SPATS2: variants seen among roughly 807,000 people sequenced by gnomAD.
SPATS2 encodes spermatogenesis-associated serine-rich protein 2.
In SPATS2, 38 loss-of-function variants were observed where a neutral mutation model predicts 63.7. The ratio of observed to expected loss-of-function variants is 0.60; its 90% CI spans 0.46 to 0.78. The LOEUF is 0.78. Ranked by LOEUF, SPATS2 falls within the 30% of genes least tolerant of loss-of-function variation. The pLI is 0.00. For missense variants in SPATS2, 588 were observed against 666.2 expected, an observed-to-expected ratio of 0.88 and a Z score of 1.29; for synonymous variants, 207 against 232.9, an observed-to-expected ratio of 0.89 and a Z score of 1.01.
chr12:49,374,384 C>T (rs1290740819), intron 2 of SPATS2, among the ~76,000 whole-genome samples: 1 of 152,150 alleles, frequency 6.6e-6, no homozygotes, highest in East Asian at 1.9e-4. Context: ...CTGCCCTTGG[C>T]CTTCCGAAGT....
intron 9 of SPATS2, among the ~76,000 whole-genome samples, chr12:49,505,855 T>C (rs1488734143): frequency 6.6e-6 from 1 of 152,232 alleles, no homozygotes; most frequent in African/African-American, 2.4e-5. Context: ...GATGGCTCAC[T>C]TCCCCACTAA....
At position 49,448,426 on chromosome 12, in the gene SPATS2, A is replaced by G. The variant is rs202008019; in HGVS notation, c.-243-12344A>G. Among the ~76,000 whole-genome samples the G allele has an allele frequency of 9.9e-5, 15 of 151,998 alleles. No individual in the cohort carries two copies. The East Asian group carries it at 2.5e-3, about 25-fold the overall frequency. On this transcript the variant is annotated intron_variant, in intron 2 of 13. Transcript: ENST00000552918. The stretch of plus-strand genomic sequence containing the variant: ...AGTGCTGGGATTACAGGCGTGAGCC[A>G]CCACGCCTGGCTATTATGTTTTTAT...
Position 49,500,644 on chromosome 12 carries a change from C to T in SPATS2, c.839+439C>T, listed in dbSNP as rs145436603. ...AAAATTAGCTGGGTGTGGTGGCGCGCGCCTGTAGTCCTAGCTACTCGGGAG... is the reference window on the plus strand; with the variant it reads ...AAAATTAGCTGGGTGTGGTGGCGCGTGCCTGTAGTCCTAGCTACTCGGGAG... On this transcript the variant is annotated intron_variant, in intron 9 of 13. Transcript: ENST00000552918. Among the ~76,000 whole-genome samples the T allele has an allele frequency of 2.2e-3, 339 of 151,966 alleles. 1 individual carries two copies. The highest frequency in any genetic ancestry group is 0.012 in the South Asian group (59 of 4,796).
intron 3 of SPATS2, among the ~76,000 whole-genome samples, chr12:49,465,407 T>G (rs1945895173): frequency 6.6e-6 from 1 of 152,068 alleles, no homozygotes; most frequent in Non-Finnish European, 1.5e-5. Flanking sequence ...AGATGTGTAA[T>G]GGTATCTCAT....
intron 2 of SPATS2, among the ~76,000 whole-genome samples, chr12:49,457,911 T>C (rs1945747979): frequency 6.6e-6 from 1 of 152,190 alleles, no homozygotes; most frequent in Non-Finnish European, 1.5e-5. Flanking sequence ...ACAGCTTGGC[T>C]CAGTGTTCTG....
intron 9 of SPATS2, among the ~76,000 whole-genome samples, chr12:49,504,752 TCTTTTCTTTCTTTCTTTC>T: frequency 7.0e-6 from 1 of 143,884 alleles, no homozygotes; most frequent in Admixed American, 6.8e-5. Flanking sequence ...TTTTCCTGTT[TCTTTTCTTTCTTTCTTTC>T]TTTTTTTTTT....
intron 3 of SPATS2, among the ~76,000 whole-genome samples, chr12:49,474,606 A>G (rs993246314): frequency 3.9e-5 from 6 of 152,274 alleles, no homozygotes; most frequent in African/African-American, 1.4e-4. Context: ...TATGTATGAA[A>G]TGAAACACAG....
intron 7 of SPATS2, 118 bp downstream of exon 7, chr12:49,495,120 A>G (rs568663869): frequency 2.4e-4 from 261 of 1,100,068 alleles, no homozygotes; most frequent in Non-Finnish European, 2.7e-4. Context: ...CTTGCTGATT[A>G]GTCTTTTTAC....
chr12:49,473,546 T>C (rs1025631296), intron 3 of SPATS2, among the ~76,000 whole-genome samples: 2 of 152,232 alleles, frequency 1.3e-5, no homozygotes, highest in Non-Finnish European at 2.9e-5. Flanking sequence ...AGTTCTATTT[T>C]TGTATATATT....
At chr12:49,372,366 G>C (rs180739892) in intron 2 of SPATS2, among the ~76,000 whole-genome samples, 2 of 152,240 alleles carry the variant, frequency 1.3e-5, no homozygotes, top group Admixed American at 1.3e-4. Context: ...ACTTTTAAGC[G>C]GTGATTTTGT....
chr12:49,435,368 G>A (rs1479996358), intron 2 of SPATS2, among the ~76,000 whole-genome samples: 1 of 148,354 alleles, frequency 6.7e-6, no homozygotes, highest in Admixed American at 6.8e-5. Context: ...TTTGTCGCCC[G>A]GGCCAGAGTG....
At chr12:49,427,991 C>T (rs1474218308) in intron 2 of SPATS2, among the ~76,000 whole-genome samples, 1 of 151,814 alleles carries the variant, frequency 6.6e-6, no homozygotes, top group Non-Finnish European at 1.5e-5. Context: ...CGCGGTGGCT[C>T]ATGCCTGTAA....
chr12:49,512,062 A>G (rs1946762548), intron 9 of SPATS2, among the ~76,000 whole-genome samples: 1 of 152,198 alleles, frequency 6.6e-6, no homozygotes, highest in Non-Finnish European at 1.5e-5. Flanking sequence ...CTTCTATACA[A>G]CTATAATGCC....
At chr12:49,381,557 G>C (rs1415437741) in intron 2 of SPATS2, among the ~76,000 whole-genome samples, 2 of 152,146 alleles carry the variant, frequency 1.3e-5, no homozygotes, top group African/African-American at 4.8e-5. Flanking sequence ...TATTATCAAT[G>C]TTTAATTAAT....
At chr12:49,464,538 A>C (rs1291725059) in intron 3 of SPATS2, among the ~76,000 whole-genome samples, 1 of 151,222 alleles carries the variant, frequency 6.6e-6, no homozygotes, top group Non-Finnish European at 1.5e-5. Context: ...GAGGCAGGAG[A>C]ATCGCTTGAA....
intron 2 of SPATS2, among the ~76,000 whole-genome samples, chr12:49,387,478 A>C (rs1170295522): frequency 6.6e-6 from 1 of 151,684 alleles, no homozygotes; most frequent in Admixed American, 6.6e-5. Flanking sequence ...CTCTACTAAA[A>C]ATACAAAAAT....
chr12:49,437,125 G>A lies in SPATS2; in HGVS notation c.-243-23645G>A, dbSNP rs561761202. Among the ~76,000 whole-genome samples the A allele has an allele frequency of 4.8e-4, 73 of 151,530 alleles. No homozygotes were observed. In the South Asian group the frequency reaches 0.012, roughly 25 times the overall value. On this transcript the variant is annotated intron_variant, in intron 2 of 13. Transcript: ENST00000552918. Reference sequence around the variant, plus strand: ...TCACTTTTCAGACGGTGTGGCTGCCGGGTGGAGGGGCTCCTCACTTCTCAG... The same window carrying A: ...TCACTTTTCAGACGGTGTGGCTGCCAGGTGGAGGGGCTCCTCACTTCTCAG...
chr12:49,474,499 G>A (rs1186042288), intron 3 of SPATS2, among the ~76,000 whole-genome samples: 2 of 152,152 alleles, frequency 1.3e-5, no homozygotes, highest in Non-Finnish European at 2.9e-5. Flanking sequence ...GAGAGGGAAA[G>A]CATTCACTCT....
intron 2 of SPATS2, among the ~76,000 whole-genome samples, chr12:49,453,762 A>G (rs1373844438): frequency 6.6e-6 from 1 of 151,634 alleles, no homozygotes; most frequent in Non-Finnish European, 1.5e-5. Context: ...GCAGTGAGCT[A>G]TGATCGTGCC....
Sources: gnomAD v4.1 joint callset for allele counts (sites outside exome capture counted in the v4.1 genomes callset) on GRCh38, gnomAD v4.1.1 for gene constraint, MANE v1.5 for transcripts, NCBI Gene and HGNC (gene_info 2026-07-23, HGNC 2026-07-21) for gene names.